Variants in CLPB observed in about 807,000 individuals in gnomAD.
The protein encoded by CLPB is ClpB family mitochondrial disaggregase.
CLPB carries 40 observed loss-of-function variants against 78.4 expected under a neutral mutation model. The observed-to-expected ratio is 0.51, with a 90% CI of 0.40 to 0.66. The LOEUF (loss-of-function observed/expected upper bound fraction) is 0.66. Ranked by LOEUF, CLPB falls within the 30% of genes least tolerant of loss-of-function variation. The pLI is 0.00. For missense variants in CLPB, 780 were observed against 886.9 expected (o/e 0.88, Z 1.53); for synonymous variants, 333 against 348.0 (o/e 0.96, Z 0.48).
At position 72,430,336 on chromosome 11, in the gene CLPB, G is replaced by A; in HGVS notation, c.431C>T (p.Ala144Val). ...KDAALLEAARANNMQEVSRLL... is the reference protein window; with the variant it reads ...KDAALLEAARVNNMQEVSRLL... ...CCTGCTGACTTCTTGCATATTGTTGGCACGGGCAGCTTCCAACAGGGCTGC... is the reference window on the plus strand; with the variant it reads ...CCTGCTGACTTCTTGCATATTGTTGACACGGGCAGCTTCCAACAGGGCTGC... Residue 144 changes from alanine to valine, a missense_variant, in exon 2 of 16, where the codon GCC becomes GTC. By Grantham distance (64) the Ala-to-Val change is moderately conservative. Around this residue, in one of 3 missense-constraint regions of CLPB, gnomAD observed 417 missense variants for 414.7 expected, o/e 1.01. Coordinates refer to ENST00000538039, the MANE Select transcript of CLPB (RefSeq NM_001258392.3). 1 of 1,613,280 alleles carries A rather than the reference G, an allele frequency of 6.2e-7. No individual in the cohort carries two copies. The highest frequency in any genetic ancestry group is 8.5e-7 in the Non-Finnish European group (1 of 1,179,868).
chr11:72,412,667 T>C (rs1373515312), intron 2 of CLPB, among the ~76,000 whole-genome samples: 2 of 152,192 alleles, frequency 1.3e-5, no homozygotes, highest in African/African-American at 4.8e-5. Flanking sequence ...CCTATCAGCC[T>C]GTCAGCCCTA....
chr11:72,356,687 C>T (rs118115020), intron 5 of CLPB, among the ~76,000 whole-genome samples: 4,458 of 152,282 alleles, frequency 0.029, 113 homozygotes, highest in Non-Finnish European at 0.04. Flanking sequence ...CAGGCAGGAA[C>T]CATGCCCCTG....
At chr11:72,332,494 TGGAAA>T (rs1398116156) in intron 5 of CLPB, among the ~76,000 whole-genome samples, 1 of 144,926 alleles carries the variant, frequency 6.9e-6, no homozygotes, top group African/African-American at 2.6e-5. Flanking sequence ...GTCTAAAAAA[TGGAAA>T]GGAAAGGAAA....
intron 11 of CLPB, among the ~76,000 whole-genome samples, chr11:72,301,406 T>C (rs1213513133): frequency 6.6e-6 from 1 of 152,240 alleles, no homozygotes; most frequent in African/African-American, 2.4e-5. Flanking sequence ...TTTTTGGGGC[T>C]TCTCTGATTC....
chr11:72,400,872 T>A (rs1855540869), intron 3 of CLPB, among the ~76,000 whole-genome samples: 1 of 152,236 alleles, frequency 6.6e-6, no homozygotes, highest in African/African-American at 2.4e-5. Flanking sequence ...ATCCCATACA[T>A]ACTGCTCTGA....
intron 3 of CLPB, among the ~76,000 whole-genome samples, chr11:72,386,712 C>A (rs1855089165): frequency 1.3e-5 from 2 of 152,098 alleles, no homozygotes; most frequent in Admixed American, 1.3e-4. Flanking sequence ...ACTCACCTTA[C>A]CTAAAATAAC....
chr11:72,406,561 C>T (rs1441200357), intron 2 of CLPB, among the ~76,000 whole-genome samples: 3 of 152,154 alleles, frequency 2.0e-5, no homozygotes, highest in Non-Finnish European at 4.4e-5. Context: ...AGCAGGTATT[C>T]AATACAGACC....
At chr11:72,417,452 C>T (rs980633653) in intron 2 of CLPB, among the ~76,000 whole-genome samples, 1 of 151,950 alleles carries the variant, frequency 6.6e-6, no homozygotes, top group Non-Finnish European at 1.5e-5. Flanking sequence ...TGGGGAGTAA[C>T]TACTATTGGA....
intron 5 of CLPB, among the ~76,000 whole-genome samples, chr11:72,351,970 C>T (rs1950622008): frequency 6.6e-6 from 1 of 152,156 alleles, no homozygotes; most frequent in South Asian, 2.1e-4. Context: ...AACGGACACA[C>T]CCACATAACC....
intron 2 of CLPB, chr11:72,428,747 A>C (rs995612159): frequency 6.6e-6 from 1 of 152,402 alleles, no homozygotes; most frequent in African/African-American, 2.4e-5. Context: ...AAGCCCCCCC[A>C]GACACTATCC....
chr11:72,366,581 T>A (rs1443434250), intron 4 of CLPB, among the ~76,000 whole-genome samples: 1 of 152,036 alleles, frequency 6.6e-6, no homozygotes, highest in African/African-American at 2.4e-5. Flanking sequence ...AAATCCCATT[T>A]AAAAAATGGG....
At position 72,291,868 on chromosome 11, in the gene CLPB, C is replaced by G. The variant is rs1312761243; in HGVS notation, c.*1499G>C. On this transcript the variant is annotated 3_prime_UTR_variant, in exon 16 of 16. Transcript: ENST00000538039. Reference sequence around the variant, plus strand: ...ACCATCCTGGCTAACATGGTGAAACCCTGTCTCTACTAAAAATACAAAAAG... The same window carrying G: ...ACCATCCTGGCTAACATGGTGAAACGCTGTCTCTACTAAAAATACAAAAAG... 6.6e-6 allele frequency: 1 copy of G among 151,120 alleles called. No individual in the cohort carries two copies. The highest frequency in any genetic ancestry group is 1.5e-5 in the Non-Finnish European group (1 of 67,800). 9.4% of individuals were successfully genotyped at this position (151,120 alleles called of 1,614,324 possible). A position where few individuals can be genotyped will look rare whatever the true frequency, so the allele number is the denominator to read the frequency against.
At chr11:72,293,871 G>A (rs1949497361) in intron 15 of CLPB, 151 bp downstream of exon 15, 8 of 748,004 alleles carry the variant, frequency 1.1e-5, no homozygotes, top group Middle Eastern at 3.8e-4. Context: ...TGGTGATCAT[G>A]TGTTTATGGT....
intron 6 of CLPB, among the ~76,000 whole-genome samples, chr11:72,326,223 T>C (rs908930666): frequency 6.6e-6 from 1 of 152,202 alleles, no homozygotes; most frequent in Non-Finnish European, 1.5e-5. Flanking sequence ...ATAGTGGTTA[T>C]GTCTTGGTAG....
chr11:72,346,639 T>C lies in CLPB; in HGVS notation c.775+12241A>G, dbSNP rs561751602. 7.3e-5 allele frequency among the ~76,000 whole-genome samples: 11 copies of C among 150,658 alleles called. No individual in the cohort carries two copies. In the South Asian group the frequency reaches 2.1e-3, roughly 29 times the overall value. ...ACACTGGCCAAATATGAGGCAATGA[T>C]AGCCCCAACATAACTAAGCCTATAA... On this transcript the variant is annotated intron_variant, in intron 5 of 15. Coordinates refer to ENST00000538039, the MANE Select transcript of CLPB (RefSeq NM_001258392.3).
chr11:72,299,454 C>G (rs1209415626), intron 11 of CLPB, among the ~76,000 whole-genome samples: 1 of 152,184 alleles, frequency 6.6e-6, no homozygotes, highest in African/African-American at 2.4e-5. Context: ...TTGTCTCTAG[C>G]ACTCTGTCCT....
chr11:72,371,748 T>C (rs1951046974), intron 4 of CLPB, among the ~76,000 whole-genome samples: 1 of 151,886 alleles, frequency 6.6e-6, no homozygotes, highest in Non-Finnish European at 1.5e-5. Flanking sequence ...GCACACCCCT[T>C]CTCTACTCAC....
intron 15 of CLPB, 88 bp from the exon 16 acceptor site, chr11:72,293,703 G>C (rs1949494002): frequency 7.5e-6 from 11 of 1,456,988 alleles, no homozygotes; most frequent in Non-Finnish European, 1.0e-5. Context: ...GGGCAACTCA[G>C]AGACCTCCTT....
rs1237349859 is a variant in CLPB at position 72,317,131 on chromosome 11, C to T, written c.963G>A (p.Glu321=). Residue 321 remains glutamate (E), a synonymous_variant, in exon 7 of 16, where the codon GAG becomes GAA. Coordinates refer to ENST00000538039, the MANE Select transcript of CLPB (RefSeq NM_001258392.3). The part of the protein sequence containing the change: ...QRLKEHIIGQ[E]SAIATVGAAI... ...CAGCACCCACTGTGGCGATGGCGCTCTCCTGGCCAATGATGTGCTCCTTTA... is the reference window on the plus strand; with the variant it reads ...CAGCACCCACTGTGGCGATGGCGCTTTCCTGGCCAATGATGTGCTCCTTTA... 4 of 1,611,988 alleles carry T rather than the reference C, an allele frequency of 2.5e-6. No homozygotes were observed. The highest frequency in any genetic ancestry group is 2.5e-6 in the Non-Finnish European group (3 of 1,179,502).
Sources: allele counts gnomAD v4.1 joint callset (sites outside exome capture counted in the v4.1 genomes callset), GRCh38; gene constraint gnomAD v4.1.1; regional missense constraint gnomAD v4.1.1; transcripts MANE v1.5; gene names NCBI Gene and HGNC (gene_info 2026-07-23, HGNC 2026-07-21).